The following KIRREL3 variants were observed in gnomAD, a reference collection of about 807,000 sequenced individuals.
The protein encoded by KIRREL3 is kin of IRRE-like protein 3.
A neutral mutation model predicts 89.7 loss-of-function variants in KIRREL3; 36 were observed. The ratio of observed to expected loss-of-function variants is 0.40; its 90% CI spans 0.31 to 0.53. KIRREL3 has a LOEUF of 0.53. Among genes scored for constraint, KIRREL3 ranks in the 20% least tolerant of loss-of-function variants. The pLI, the probability that KIRREL3 is intolerant of heterozygous loss-of-function variation, is 0.49. For synonymous variants in KIRREL3, 445 were observed against 441.4 expected, an observed-to-expected ratio of 1.01 and a Z score of -0.10; for missense variants, 864 against 1,056.6, an observed-to-expected ratio of 0.82 and a Z score of 2.53.
In KIRREL3 at chr11:126,604,799, G is replaced by C. The variant is rs149464676; in HGVS notation, c.56-41887C>G. Among the ~76,000 whole-genome samples the C allele has an allele frequency of 3.4e-3, 522 of 152,304 alleles. 1 individual carries two copies. Among genetic ancestry groups the C allele is most frequent in the African/African-American group, 0.012 (506 of 41,572 alleles). ...ATAAAAGAGGAGGTCTTCGAAAGGA[G>C]GTGACTCAGAGAAGCAACGCTAGAC... On this transcript the variant is annotated intron_variant, in intron 1 of 16. Coordinates refer to ENST00000525144, the MANE Select transcript of KIRREL3 (RefSeq NM_032531.4).
At chr11:126,446,140 C>G (rs1179417681) in intron 9 of KIRREL3, among the ~76,000 whole-genome samples, 7 of 98,844 alleles carry the variant, frequency 7.1e-5, no homozygotes, top group Non-Finnish European at 1.4e-4. Context: ...AAGCGCAAAA[C>G]TCCATCTCAA....
intron 1 of KIRREL3, among the ~76,000 whole-genome samples, chr11:126,960,526 G>A (rs1438459718): frequency 1.3e-5 from 2 of 152,136 alleles, no homozygotes; most frequent in African/African-American, 2.4e-5. Context: ...TCATCAAGAC[G>A]GATCTGATTT....
At chr11:126,691,258 A>G (rs1946869752) in intron 1 of KIRREL3, among the ~76,000 whole-genome samples, 1 of 152,212 alleles carries the variant, frequency 6.6e-6, no homozygotes, top group Non-Finnish European at 1.5e-5. Flanking sequence ...CAAATGCTCC[A>G]TCATCCATCA....
intron 1 of KIRREL3, chr11:126,988,641 G>A (rs1949938648): frequency 6.6e-6 from 1 of 152,626 alleles, no homozygotes; most frequent in African/African-American, 2.4e-5. Flanking sequence ...TGATTGGCAG[G>A]TCTTTGACTC....
At chr11:126,425,092 G>C in intron 16 of KIRREL3, 69 bp from the exon 17 acceptor site, 4 of 1,377,224 alleles carry the variant, frequency 2.9e-6, no homozygotes, top group Non-Finnish European at 3.9e-6. Context: ...GGGTTTCCAG[G>C]CTGAGCCCGT....
chr11:126,894,598 AAAG>A (rs1946073435), intron 1 of KIRREL3, among the ~76,000 whole-genome samples: 2 of 150,478 alleles, frequency 1.3e-5, no homozygotes. Flanking sequence ...AGAAAGAAAG[AAAG>A]AAGCTAGGTA....
chr11:126,919,350 C>T (rs544364665), intron 1 of KIRREL3, among the ~76,000 whole-genome samples: 9 of 152,150 alleles, frequency 5.9e-5, no homozygotes, highest in Non-Finnish European at 1.3e-4. Flanking sequence ...TCTGTAGTTC[C>T]AGTTGAGTAA....
At chr11:126,590,950 C>T (rs567458341) in intron 1 of KIRREL3, among the ~76,000 whole-genome samples, 9 of 152,304 alleles carry the variant, frequency 5.9e-5, no homozygotes, top group South Asian at 2.1e-4. Flanking sequence ...TGGCTGGGTG[C>T]GGTGGCTCAC....
rs1336541997 is a variant in KIRREL3 at position 126,627,231 on chromosome 11, T to C, written c.56-64319A>G. Among the ~76,000 whole-genome samples, 1 of 152,024 alleles carries C rather than the reference T, an allele frequency of 6.6e-6. No individual in the cohort carries two copies. The highest frequency in any genetic ancestry group is 1.5e-5 in the Non-Finnish European group (1 of 67,994). On this transcript the variant is annotated intron_variant, in intron 1 of 16. Coordinates refer to ENST00000525144, the MANE Select transcript of KIRREL3 (RefSeq NM_032531.4). The surrounding 1 kb of genome is among the most constrained non-coding windows in gnomAD (Gnocchi z 5.0). ...ACTGAAAGAGCCAGGGCACAGAGTG[T>C]GAAAGGGACCTATTTGGGAGAGGTG...
intron 1 of KIRREL3, among the ~76,000 whole-genome samples, chr11:126,598,797 C>A (rs565243259): frequency 5.9e-5 from 9 of 152,298 alleles, no homozygotes; most frequent in African/African-American, 2.2e-4. Context: ...TTCTGGGCTT[C>A]GGTTTCCTTA....
chr11:126,507,439 C>T (rs1958061771), intron 4 of KIRREL3, among the ~76,000 whole-genome samples: 1 of 152,198 alleles, frequency 6.6e-6, no homozygotes, highest in South Asian at 2.1e-4. Flanking sequence ...CACCTCCTTT[C>T]CCTAGGAAAC....
chr11:126,616,869 T>C (rs1438647080), intron 1 of KIRREL3, among the ~76,000 whole-genome samples: 1 of 152,260 alleles, frequency 6.6e-6, no homozygotes, highest in African/African-American at 2.4e-5. Flanking sequence ...CTTGAACTCC[T>C]GGGCTCAAGT....
chr11:126,825,676 G>A (rs1016793169), intron 1 of KIRREL3, among the ~76,000 whole-genome samples: 3 of 152,176 alleles, frequency 2.0e-5, no homozygotes, highest in Non-Finnish European at 2.9e-5. Flanking sequence ...AATAAAATGC[G>A]ATCTTTTTCC....
rs956133720 is a variant in KIRREL3, at chr11:126,719,893, G to T, written c.56-156981C>A. On this transcript the variant is annotated intron_variant, in intron 1 of 16. Coordinates refer to ENST00000525144, the MANE Select transcript of KIRREL3 (RefSeq NM_032531.4). The surrounding 1 kb of genome is among the most constrained non-coding windows in gnomAD (Gnocchi z 4.7). ...ACCCAGTGGCCACAGCCATCCTTACGCAATGTAGCAATGTCAGTTGGATCT... is the reference window on the plus strand; with the variant it reads ...ACCCAGTGGCCACAGCCATCCTTACTCAATGTAGCAATGTCAGTTGGATCT... Among the ~76,000 whole-genome samples, 2 of 152,108 alleles carry T rather than the reference G, an allele frequency of 1.3e-5. No homozygotes were observed. Among genetic ancestry groups the T allele is most frequent in the African/African-American group, 2.4e-5 (1 of 41,422 alleles).
rs1947632508 is a variant in KIRREL3, at chr11:126,708,597, A to G, written c.56-145685T>C. 1.3e-5 allele frequency among the ~76,000 whole-genome samples: 2 copies of G among 151,982 alleles called. No individual in the cohort carries two copies. Among genetic ancestry groups the G allele is most frequent in the Admixed American group, 1.3e-4 (2 of 15,110 alleles). On this transcript the variant is annotated intron_variant, in intron 1 of 16. Transcript: ENST00000525144. This position sits in a 1 kb window ranked among gnomAD's most constrained non-coding sequence, Gnocchi z 5.7. ...TGGGCTCCGGGGTGGGGAAGGAAGG[A>G]GGGCGTTCGGCTCAACGTCCAGGAG...
chr11:126,971,815 T>C (rs1949432403), intron 1 of KIRREL3, among the ~76,000 whole-genome samples: 2 of 152,176 alleles, frequency 1.3e-5, no homozygotes, highest in Non-Finnish European at 2.9e-5. Context: ...TCACTTGCAT[T>C]GATTTTCCAA....
chr11:126,582,684 G>T (rs751547518), intron 1 of KIRREL3, among the ~76,000 whole-genome samples: 1 of 152,096 alleles, frequency 6.6e-6, no homozygotes, highest in Admixed American at 6.5e-5. Context: ...GGATGGGAGG[G>T]GAAGGTCACC....
rs1247921432 is a variant in KIRREL3 at position 126,867,463 on chromosome 11, C to T, written c.55+132992G>A. Among the ~76,000 whole-genome samples the T allele has an allele frequency of 1.3e-5, 2 of 152,156 alleles. No homozygotes were observed. ...ACTCTTTCAAGGACCAACCTAACAC[C>T]CACTCCATCTGTTACTCTTTCTGTA... On this transcript the variant is annotated intron_variant, in intron 1 of 16. Transcript: ENST00000525144. This position sits in a 1 kb window ranked among gnomAD's most constrained non-coding sequence, Gnocchi z 4.7.
In KIRREL3 at chr11:126,530,277, G is replaced by T. The variant is rs1171578112; in HGVS notation, c.134-3590C>A. Among the ~76,000 whole-genome samples the T allele has an allele frequency of 1.3e-5, 2 of 152,094 alleles. No individual in the cohort carries two copies. Among genetic ancestry groups the T allele is most frequent in the East Asian group, 3.9e-4 (2 of 5,184 alleles). On this transcript the variant is annotated intron_variant, in intron 2 of 16. Transcript: ENST00000525144. The surrounding 1 kb of genome is among the most constrained non-coding windows in gnomAD (Gnocchi z 5.8). Reference sequence around the variant, plus strand: ...TTTTCATATTTTTAATAGAGACAGGGTTTCACCATGTTGGCCAGGCTGGTC... The same window carrying T: ...TTTTCATATTTTTAATAGAGACAGGTTTTCACCATGTTGGCCAGGCTGGTC...
Sources: allele counts gnomAD v4.1 joint callset (sites outside exome capture counted in the v4.1 genomes callset), GRCh38; gene constraint gnomAD v4.1.1; non-coding constraint Gnocchi (gnomAD v3.1); transcripts MANE v1.5; gene names NCBI Gene and HGNC (gene_info 2026-07-23, HGNC 2026-07-21).